TMCC2: variants seen among roughly 807,000 people sequenced by gnomAD.
TMCC2 encodes the protein transmembrane and coiled-coil domain family 2.
Under a neutral mutation model 49.4 loss-of-function variants are expected in TMCC2, and 16 were observed. That is an observed-to-expected ratio of 0.32 (90% CI 0.22 to 0.49). The LOEUF (loss-of-function observed/expected upper bound fraction) is 0.49. Ranked by LOEUF, TMCC2 falls within the 20% of genes least tolerant of loss-of-function variation. The pLI is 0.99. For synonymous variants in TMCC2, 397 were observed against 434.1 expected (o/e 0.91, Z 1.06); for missense variants, 762 against 989.8 (o/e 0.77, Z 3.09).
At chr1:205,247,596 C>T (rs1479714158) in intron 2 of TMCC2, among the ~76,000 whole-genome samples, 1 of 152,204 alleles carries the variant, frequency 6.6e-6, no homozygotes, top group Non-Finnish European at 1.5e-5. Context: ...CCCCCAGACC[C>T]AGAGGCCCTG....
Position 205,269,762 on chromosome 1 carries a change from G to A in TMCC2, c.1560G>A (p.Leu520=), listed in dbSNP as rs1661506071. 3.1e-6 allele frequency: 5 copies of A among 1,614,084 alleles called. No individual in the cohort carries two copies. The South Asian group carries it at 5.5e-5, about 18-fold the overall frequency. The change falls in exon 3 of 5, where the codon CTG becomes CTA. Residue 520 remains leucine (L), a synonymous_variant. Transcript: ENST00000358024. ...CTCCTGGAAACCTGGATGCTCTGCT[G>A]GAAGAGCTACGGGAGATCAAGGAGG... The part of the protein sequence containing the change: ...YGAPGNLDAL[L]EELREIKEGQ...
chr1:205,228,968 C>G, intron 1 of TMCC2, 197 bp downstream of exon 1: 3 of 1,401,712 alleles, frequency 2.1e-6, no homozygotes, highest in Non-Finnish European at 2.8e-6. Context: ...CGTGTCAGGT[C>G]TCTGTGTTTG....
rs777652334 is a variant in TMCC2, at chr1:205,242,010, T to C, written c.713T>C (p.Leu238Pro). Reference protein sequence around the residue: ...LLLADGSNVYLLAEEAEGIGD... With the variant: ...LLLADGSNVYPLAEEAEGIGD... The stretch of plus-strand genomic sequence containing the variant: ...CTGGCCGACGGCAGCAACGTGTACC[T>C]CCTGGCTGAGGAGGCCGAAGGCATC... The change falls in exon 2 of 5, where the codon CTC becomes CCC. Residue 238 changes from leucine (L) to proline (P), a missense_variant. Leu to Pro is a moderately conservative substitution (Grantham distance 98). This residue lies in a region of TMCC2 where 322 missense variants were observed against 353.1 expected (regional missense o/e 0.91). Coordinates refer to ENST00000358024, the MANE Select transcript of TMCC2 (RefSeq NM_014858.4). 1 of 1,604,548 alleles carries C rather than the reference T, an allele frequency of 6.2e-7. No homozygotes were observed. Among genetic ancestry groups the C allele is most frequent in the South Asian group, 1.1e-5 (1 of 90,128 alleles).
Position 205,269,372 on chromosome 1 carries a change from C to T in TMCC2, c.1170C>T (p.Asn390=), listed in dbSNP as rs758640050. 2.9e-5 allele frequency: 47 copies of T among 1,611,640 alleles called. No homozygotes were observed. Among genetic ancestry groups the T allele is most frequent in the Admixed American group, 5.0e-5 (3 of 59,926 alleles). ...AGGGGCTGAAGGACGTGGGCGCCAA[C>T]GTGCGCGCAGGCATCAGCGGCTTTG... ...MQQGLKDVGA[N]VRAGISGFGG... Residue 390 remains asparagine (N), a synonymous_variant, in exon 3 of 5, where the codon AAC becomes AAT. Coordinates refer to ENST00000358024, the MANE Select transcript of TMCC2 (RefSeq NM_014858.4).
At chr1:205,231,033 A>C (rs1659779844) in intron 1 of TMCC2, among the ~76,000 whole-genome samples, 1 of 119,138 alleles carries the variant, frequency 8.4e-6, no homozygotes, top group African/African-American at 3.2e-5. Flanking sequence ...ATACCATTGA[A>C]CCCAGCAATG....
chr1:205,247,405 A>AG (rs1168665468), intron 2 of TMCC2, among the ~76,000 whole-genome samples: 1 of 152,092 alleles, frequency 6.6e-6, no homozygotes, highest in Non-Finnish European at 1.5e-5. Flanking sequence ...CCTCAGCCCG[A>AG]GTGGGATGAT....
intron 2 of TMCC2, among the ~76,000 whole-genome samples, chr1:205,254,849 C>T (rs1436099524): frequency 1.3e-5 from 2 of 152,176 alleles, no homozygotes; most frequent in Non-Finnish European, 2.9e-5. Context: ...TCACTCGGCC[C>T]CTCCCCACCT....
Position 205,269,543 on chromosome 1 carries a change from C to A in TMCC2, c.1341C>A (p.Asp447Glu), listed in dbSNP as rs1187712017. ...GSADNIAHLK[D>E]PLEDGPPEEA... ...CTGACAACATCGCCCACCTGAAGGA[C>A]CCCCTGGAAGATGGGCCCCCTGAGG... The change falls in exon 3 of 5, where the codon GAC becomes GAA. Residue 447 changes from aspartate to glutamate, a missense_variant. Transcript: ENST00000358024. 23 of 1,613,608 alleles carry A rather than the reference C, an allele frequency of 1.4e-5. No homozygotes were observed. The highest frequency in any genetic ancestry group is 2.2e-5 in the East Asian group (1 of 44,880).
In TMCC2 at chr1:205,272,052, C is replaced by T. The variant is rs770230545; in HGVS notation, c.2058C>T (p.Leu686=). 2.7e-5 allele frequency: 44 copies of T among 1,614,082 alleles called. No homozygotes were observed. In the South Asian group the frequency reaches 4.1e-4, roughly 15 times the overall value. The part of the protein sequence containing the change: ...LRITSTTLLV[L]VLFLLWKHWD... ...TCACCAGCACCACCCTCCTGGTCCT[C>T]GTCCTGTTCCTCCTCTGGAAGCACT... The change falls in exon 5 of 5, where the codon CTC becomes CTT. Residue 686 remains leucine, a synonymous_variant. Transcript: ENST00000358024.
At chr1:205,261,955 G>A (rs1215168910) in intron 2 of TMCC2, among the ~76,000 whole-genome samples, 1 of 152,088 alleles carries the variant, frequency 6.6e-6, no homozygotes, top group Non-Finnish European at 1.5e-5. Flanking sequence ...TCCTGTTCCA[G>A]CACTCTGAAC....
At chr1:205,253,659 A>G (rs1660755176) in intron 2 of TMCC2, among the ~76,000 whole-genome samples, 1 of 152,248 alleles carries the variant, frequency 6.6e-6, no homozygotes, top group Non-Finnish European at 1.5e-5. Context: ...TTTGCAAAAG[A>G]AGAGCTGCTT....
intron 2 of TMCC2, among the ~76,000 whole-genome samples, chr1:205,259,221 C>T (rs1297216022): frequency 6.6e-6 from 1 of 151,538 alleles, no homozygotes; most frequent in Admixed American, 6.6e-5. Flanking sequence ...TAAGAGTGAC[C>T]TTATATTGTC....
intron 3 of TMCC2, among the ~76,000 whole-genome samples, chr1:205,270,527 C>A (rs1476724967): frequency 6.6e-6 from 1 of 152,242 alleles, no homozygotes; most frequent in African/African-American, 2.4e-5. Context: ...CGCTCGCTCC[C>A]TGGGCTTGTG....
chr1:205,228,498 G>A lies in TMCC2; in HGVS notation c.-67G>A. 1.4e-6 allele frequency: 2 copies of A among 1,386,992 alleles called. No homozygotes were observed. Among genetic ancestry groups the A allele is most frequent in the Non-Finnish European group, 9.9e-7 (1 of 1,005,528 alleles). 85.9% of individuals were successfully genotyped at this position (1,386,992 alleles called of 1,614,324 possible). A position where few individuals can be genotyped will look rare whatever the true frequency, so the allele number is the denominator to read the frequency against. Reference sequence around the variant, plus strand: ...CCCCAGGCCTCATATGAATATAAGAGGGGGTGCGGTCTTCCCCAAGACGGC... The same window carrying A: ...CCCCAGGCCTCATATGAATATAAGAAGGGGTGCGGTCTTCCCCAAGACGGC... On this transcript the variant is annotated 5_prime_UTR_variant, in exon 1 of 5. Coordinates refer to ENST00000358024, the MANE Select transcript of TMCC2 (RefSeq NM_014858.4).
intron 2 of TMCC2, among the ~76,000 whole-genome samples, chr1:205,258,776 C>T (rs1162738085): frequency 6.6e-5 from 10 of 152,198 alleles, no homozygotes; most frequent in South Asian, 2.1e-4. Context: ...CCAACTTTAC[C>T]GTAAGGTCAC....
intron 1 of TMCC2, among the ~76,000 whole-genome samples, chr1:205,234,375 G>A (rs1659939419): frequency 6.6e-6 from 1 of 152,136 alleles, no homozygotes; most frequent in African/African-American, 2.4e-5. Context: ...GAACCTGGGA[G>A]GCGGAGGTTG....
At chr1:205,240,339 A>G (rs1201920389) in intron 1 of TMCC2, among the ~76,000 whole-genome samples, 3 of 152,372 alleles carry the variant, frequency 2.0e-5, no homozygotes, top group Middle Eastern at 3.4e-3. Flanking sequence ...AATCTCAGCA[A>G]CAGGGCTAAG....
At chr1:205,268,118 G>T in intron 2 of TMCC2, 1 of 978,386 alleles carries the variant, frequency 1.0e-6, no homozygotes, top group Non-Finnish European at 1.2e-6. Context: ...GAGCTGCGTT[G>T]TTAGTGAACA....
chr1:205,262,286 C>T (rs1037693930), intron 2 of TMCC2, among the ~76,000 whole-genome samples: 11 of 152,258 alleles, frequency 7.2e-5, no homozygotes, highest in African/African-American at 1.2e-4. Context: ...AGGAAAAAGC[C>T]GGCGTCCTGC....
Sources: allele counts gnomAD v4.1 joint callset (sites outside exome capture counted in the v4.1 genomes callset), GRCh38; gene constraint gnomAD v4.1.1; regional missense constraint gnomAD v4.1.1; transcripts MANE v1.5; gene names NCBI Gene and HGNC (gene_info 2026-07-23, HGNC 2026-07-21).